Variants in ALMS1 observed in about 807,000 individuals in gnomAD.
ALMS1 encodes the protein ALMS1 centrosome and basal body associated protein, also known as centrosome-associated protein ALMS1.
In ALMS1, 271 loss-of-function variants were observed where a neutral mutation model predicts 352.2. The observed-to-expected ratio is 0.77, with a 90% CI of 0.70 to 0.85. The LOEUF is 0.85. ALMS1 is among the 40% of genes least tolerant of loss of function. The pLI, the probability that ALMS1 is intolerant of heterozygous loss-of-function variation, is 0.00. For synonymous variants in ALMS1, 1,865 were observed against 1,761.2 expected (o/e 1.06, Z -1.48); for missense variants, 5,445 against 4,870.7 (o/e 1.12, Z -3.51).
intron 11 of ALMS1, among the ~76,000 whole-genome samples, chr2:73,522,267 C>T (rs577340370): frequency 1.1e-4 from 16 of 152,314 alleles, no homozygotes; most frequent in African/African-American, 3.8e-4. Flanking sequence ...AACCTGTGAA[C>T]TGCATGGCAT....
intron 15 of ALMS1, among the ~76,000 whole-genome samples, chr2:73,566,801 G>T (rs1050313000): frequency 4.6e-5 from 7 of 152,204 alleles, no homozygotes; most frequent in African/African-American, 1.7e-4. Flanking sequence ...TCCAAATTGG[G>T]GTGGTGGGGA....
intron 9 of ALMS1, among the ~76,000 whole-genome samples, chr2:73,485,418 G>T (rs1316241937): frequency 6.6e-6 from 1 of 152,254 alleles, no homozygotes; most frequent in Non-Finnish European, 1.5e-5. Flanking sequence ...CACTTGAGGA[G>T]GCAGTCTGCC....
At chr2:73,608,026 T>A (rs542412625) in intron 21 of ALMS1, among the ~76,000 whole-genome samples, 1 of 152,272 alleles carries the variant, frequency 6.6e-6, no homozygotes, top group South Asian at 2.1e-4. Flanking sequence ...CCGAACCTCC[T>A]TCCACCAGAC....
chr2:73,464,186 A>T (rs578035523), intron 9 of ALMS1, among the ~76,000 whole-genome samples: 13 of 152,344 alleles, frequency 8.5e-5, no homozygotes, highest in African/African-American at 2.9e-4. Context: ...CATTGATGCA[A>T]AAATCCTCAA....
chr2:73,545,179 TG>T (rs140673575), intron 12 of ALMS1, among the ~76,000 whole-genome samples: 3 of 145,470 alleles, frequency 2.1e-5, no homozygotes, highest in Non-Finnish European at 3.0e-5. Context: ...TAATTTTTTG[TG>T]GTTTTTTTTT....
intron 12 of ALMS1, among the ~76,000 whole-genome samples, chr2:73,546,476 A>C (rs1674322968): frequency 6.6e-6 from 1 of 152,240 alleles, no homozygotes; most frequent in Non-Finnish European, 1.5e-5. Flanking sequence ...TTACAATTTC[A>C]GTATTGCTCA....
intron 10 of ALMS1, among the ~76,000 whole-genome samples, chr2:73,512,235 C>G (rs1294716529): frequency 6.6e-6 from 1 of 152,078 alleles, no homozygotes; most frequent in Non-Finnish European, 1.5e-5. Flanking sequence ...CAGGTGCGTA[C>G]CACCACGCCT....
At chr2:73,533,128 T>C (rs982044716) in intron 11 of ALMS1, among the ~76,000 whole-genome samples, 4 of 152,206 alleles carry the variant, frequency 2.6e-5, no homozygotes, top group African/African-American at 7.2e-5. Context: ...TAATCTTCCG[T>C]CTTCCGAAGT....
chr2:73,526,464 T>C (rs942519665), intron 11 of ALMS1, among the ~76,000 whole-genome samples: 3 of 152,262 alleles, frequency 2.0e-5, no homozygotes, highest in Non-Finnish European at 4.4e-5. Flanking sequence ...TCTTCAATTA[T>C]CTTCATCAGT....
At chr2:73,480,543 C>T (rs1299942719) in intron 9 of ALMS1, among the ~76,000 whole-genome samples, 1 of 151,930 alleles carries the variant, frequency 6.6e-6, no homozygotes, top group Non-Finnish European at 1.5e-5. Context: ...CATACGTGTG[C>T]ATGTGTCTTT....
At chr2:73,569,381 T>C (rs1674872982) in intron 15 of ALMS1, among the ~76,000 whole-genome samples, 1 of 152,122 alleles carries the variant, frequency 6.6e-6, no homozygotes, top group African/African-American at 2.4e-5. Context: ...GAGGACTATG[T>C]TCATTGAAAA....
At chr2:73,469,467 T>TA (rs1672424583) in intron 9 of ALMS1, 1 of 151,844 alleles carries the variant, frequency 6.6e-6, no homozygotes, top group South Asian at 2.1e-4. Context: ...TTTGAAATAA[T>TA]AGGAGAATAT....
At chr2:73,609,448 A>C in intron 22 of ALMS1, 120 bp from the exon 23 acceptor site, 2 of 950,818 alleles carry the variant, frequency 2.1e-6, no homozygotes, top group Non-Finnish European at 1.7e-6. Flanking sequence ...GAGTAAAATG[A>C]ACAAGATTTG....
chr2:73,397,170 TTGTCGCATTGCACCTCCAGCAATTTGTCA>T (rs1410657593), intron 1 of ALMS1, among the ~76,000 whole-genome samples: 1 of 152,152 alleles, frequency 6.6e-6, no homozygotes, highest in African/African-American at 2.4e-5. Flanking sequence ...ATTCTCAAAG[TTGTCGCATTGCACCTCCAGCAATTTGTCA>T]ATTACACTAG....
intron 12 of ALMS1, among the ~76,000 whole-genome samples, chr2:73,544,782 T>C (rs1030966790): frequency 5.3e-5 from 8 of 152,204 alleles, no homozygotes; most frequent in African/African-American, 1.9e-4. Flanking sequence ...TTATTCACAG[T>C]GGCCAAGAGG....
At chr2:73,552,136 G>A (rs2104041764) in intron 13 of ALMS1, among the ~76,000 whole-genome samples, 1 of 152,198 alleles carries the variant, frequency 6.6e-6, no homozygotes, top group East Asian at 1.9e-4. Flanking sequence ...CATGTGCCAT[G>A]CTGGTGTGCT....
Position 73,450,862 on chromosome 2 carries a change from T to G in ALMS1, c.4335T>G (p.His1445Gln), listed in dbSNP as rs1671921734. Residue 1445 changes from histidine (H) to glutamine (Q), a missense_variant, in exon 8 of 23, where the codon CAT becomes CAG. Coordinates refer to ENST00000613296, the MANE Select transcript of ALMS1 (RefSeq NM_001378454.1). ...PGSFYQQVLP[H>Q]SHLPEEALEV... Reference sequence around the variant, plus strand: ...GTTTCTACCAACAGGTCTTGCCACATAGTCATCTACCTGAAGAGGCTTTGG... The same window carrying G: ...GTTTCTACCAACAGGTCTTGCCACAGAGTCATCTACCTGAAGAGGCTTTGG... The G allele has an allele frequency of 3.7e-6, 6 of 1,614,100 alleles. No individual in the cohort carries two copies. Among genetic ancestry groups the G allele is most frequent in the Non-Finnish European group, 5.1e-6 (6 of 1,179,974 alleles).
intron 9 of ALMS1, among the ~76,000 whole-genome samples, chr2:73,478,239 G>T (rs1034829510): frequency 2.0e-5 from 3 of 152,112 alleles, no homozygotes; most frequent in African/African-American, 7.2e-5. Flanking sequence ...AATGACATGT[G>T]GTTGGTTTGT....
At chr2:73,467,031 A>G (rs768868957) in intron 9 of ALMS1, among the ~76,000 whole-genome samples, 48 of 152,140 alleles carry the variant, frequency 3.2e-4, no homozygotes, top group Admixed American at 1.3e-4. Context: ...CATAGACTTT[A>G]CTTTGAAAGG....
Sources: gnomAD v4.1 joint callset for allele counts (sites outside exome capture counted in the v4.1 genomes callset) on GRCh38, gnomAD v4.1.1 for gene constraint, MANE v1.5 for transcripts, NCBI Gene and HGNC (gene_info 2026-07-23, HGNC 2026-07-21) for gene names.